Variants in DLG2 observed in about 807,000 individuals in gnomAD.
The protein encoded by DLG2 is discs large MAGUK scaffold protein 2.
A neutral mutation model predicts 132.5 loss-of-function variants in DLG2; 45 were observed. That is an observed-to-expected ratio of 0.34 (90% confidence interval 0.27 to 0.44). DLG2 has a LOEUF of 0.44. Ranked by LOEUF, DLG2 falls within the 20% of genes least tolerant of loss-of-function variation. The pLI, the probability that DLG2 is intolerant of heterozygous loss-of-function variation, is 1.00. For synonymous variants in DLG2, 424 were observed against 419.6 expected, an observed-to-expected ratio of 1.01 and a Z score of -0.13; for missense variants, 1,045 against 1,196.9, an observed-to-expected ratio of 0.87 and a Z score of 1.87.
intron 6 of DLG2, among the ~76,000 whole-genome samples, chr11:84,911,197 C>T (rs980974534): frequency 6.6e-6 from 1 of 151,996 alleles, no homozygotes; most frequent in Non-Finnish European, 1.5e-5. Context: ...AGGCATCTTT[C>T]TTGGACAGAA....
Position 83,975,793 on chromosome 11 carries a change from T to C in DLG2, c.1056+4713A>G, listed in dbSNP as rs550682665. Among the ~76,000 whole-genome samples the C allele has an allele frequency of 4.7e-4, 72 of 152,068 alleles. 1 individual carries two copies. Among genetic ancestry groups the C allele is most frequent in the Non-Finnish European group, 8.2e-4 (56 of 67,906 alleles). On this transcript the variant is annotated intron_variant, in intron 12 of 27. Transcript: ENST00000376104. The stretch of plus-strand genomic sequence containing the variant: ...CAAACATATGTGGAAGAGGAATTAG[T>C]CTTCACCTTTTTGTTTTCAAGTGAC...
chr11:84,150,620 G>C (rs1596193274), intron 9 of DLG2, among the ~76,000 whole-genome samples: 1 of 152,122 alleles, frequency 6.6e-6, no homozygotes, highest in Non-Finnish European at 1.5e-5. Context: ...TCTCTTGCTT[G>C]ATTCTTTTGG....
intron 3 of DLG2, among the ~76,000 whole-genome samples, chr11:85,428,090 G>A (rs895346866): frequency 6.6e-6 from 1 of 152,118 alleles, no homozygotes; most frequent in Non-Finnish European, 1.5e-5. Context: ...TCCTAAATAT[G>A]CATGCACCCA....
At chr11:83,596,643 A>C (rs571670700) in intron 19 of DLG2, among the ~76,000 whole-genome samples, 24 of 152,272 alleles carry the variant, frequency 1.6e-4, no homozygotes, top group South Asian at 1.2e-3. Context: ...GTCCCAAGTT[A>C]CTTTACATGA....
intron 6 of DLG2, among the ~76,000 whole-genome samples, chr11:85,066,620 T>C (rs1234055336): frequency 6.6e-6 from 1 of 151,640 alleles, no homozygotes; most frequent in African/African-American, 2.4e-5. Context: ...TATCCAGGGA[T>C]GTAAGGGTAG....
At chr11:85,020,279 C>T (rs1426426212) in intron 6 of DLG2, among the ~76,000 whole-genome samples, 1 of 152,136 alleles carries the variant, frequency 6.6e-6, no homozygotes, top group Non-Finnish European at 1.5e-5. Flanking sequence ...TGAGAAGTGT[C>T]TGTTCATGTC....
intron 18 of DLG2, among the ~76,000 whole-genome samples, chr11:83,782,750 G>T (rs562642047): frequency 6.6e-6 from 1 of 152,216 alleles, no homozygotes; most frequent in East Asian, 1.9e-4. Context: ...GGGTGAGTTG[G>T]CTGGGAATAT....
chr11:83,940,510 C>T (rs1297480305), intron 14 of DLG2, among the ~76,000 whole-genome samples: 5 of 152,164 alleles, frequency 3.3e-5, no homozygotes, highest in African/African-American at 1.2e-4. Context: ...CATTAACCTG[C>T]CCCTCCTCAC....
At chr11:85,477,295 G>A (rs1036521949) in intron 3 of DLG2, among the ~76,000 whole-genome samples, 7 of 152,092 alleles carry the variant, frequency 4.6e-5, no homozygotes, top group African/African-American at 1.2e-4. Flanking sequence ...CACCTCGTAT[G>A]TATACAAAAT....
intron 18 of DLG2, among the ~76,000 whole-genome samples, chr11:83,708,217 C>T (rs1415538450): frequency 6.6e-6 from 1 of 152,150 alleles, no homozygotes; most frequent in Non-Finnish European, 1.5e-5. Context: ...AGAATGTTCA[C>T]AGTGGCACAT....
At chr11:85,509,868 T>G (rs1292914764) in intron 3 of DLG2, 2 of 152,016 alleles carry the variant, frequency 1.3e-5, no homozygotes, top group Non-Finnish European at 2.9e-5. Context: ...TTTGATCTAA[T>G]GAGGCAGATC....
At chr11:85,027,347 T>A (rs1197761428) in intron 6 of DLG2, among the ~76,000 whole-genome samples, 2 of 152,184 alleles carry the variant, frequency 1.3e-5, no homozygotes, top group East Asian at 3.8e-4. Context: ...GTTTCCCTTT[T>A]CTTTACTCTA....
At chr11:84,016,047 G>GT (rs2095164554) in intron 11 of DLG2, among the ~76,000 whole-genome samples, 1 of 151,946 alleles carries the variant, frequency 6.6e-6, no homozygotes. Flanking sequence ...AGCAGCTGTT[G>GT]TTTTTTTGCC....
intron 6 of DLG2, among the ~76,000 whole-genome samples, chr11:84,741,032 A>G (rs1375511924): frequency 2.1e-5 from 3 of 144,762 alleles, no homozygotes; most frequent in African/African-American, 7.6e-5. Context: ...CCCCAGGCTG[A>G]CCAAACAACT....
chr11:84,799,645 G>C (rs550734382), intron 6 of DLG2, among the ~76,000 whole-genome samples: 1 of 152,038 alleles, frequency 6.6e-6, no homozygotes, highest in Non-Finnish European at 1.5e-5. Flanking sequence ...AATTTCTTAC[G>C]TCTAGAGGAA....
At chr11:85,192,150 C>A (rs2080639019) in intron 4 of DLG2, among the ~76,000 whole-genome samples, 1 of 152,142 alleles carries the variant, frequency 6.6e-6, no homozygotes, top group African/African-American at 2.4e-5. Context: ...AGGGTTATAT[C>A]CCATTCTTTC....
chr11:83,577,468 T>C (rs1278630431), intron 19 of DLG2, among the ~76,000 whole-genome samples: 1 of 140,364 alleles, frequency 7.1e-6, no homozygotes, highest in African/African-American at 2.6e-5. Flanking sequence ...GATATATATA[T>C]ATAAAATAGG....
At chr11:84,842,341 C>G (rs953825965) in intron 6 of DLG2, among the ~76,000 whole-genome samples, 1 of 151,900 alleles carries the variant, frequency 6.6e-6, no homozygotes. Flanking sequence ...GTAATTTATC[C>G]AGGGCCACCA....
At chr11:84,632,712 A>T (rs1334842261) in intron 6 of DLG2, among the ~76,000 whole-genome samples, 2 of 152,170 alleles carry the variant, frequency 1.3e-5, no homozygotes, top group Non-Finnish European at 2.9e-5. Context: ...GTAAATGTTA[A>T]AACTATTTAA....
Sources: gnomAD v4.1 joint callset for allele counts (sites outside exome capture counted in the v4.1 genomes callset) on GRCh38, gnomAD v4.1.1 for gene constraint, MANE v1.5 for transcripts, NCBI Gene and HGNC (gene_info 2026-07-23, HGNC 2026-07-21) for gene names.